GIPC2: variants seen among roughly 807,000 people sequenced by gnomAD.
GIPC2 encodes the protein GIPC PDZ domain containing family member 2.
GIPC2 carries 30 observed loss-of-function variants against 30.6 expected under a neutral mutation model. That is an observed-to-expected ratio of 0.98 (90% CI 0.73 to 1.33). The LOEUF (loss-of-function observed/expected upper bound fraction) is 1.33. Among genes scored for constraint, GIPC2 ranks in the 40% most tolerant of loss-of-function variants. GIPC2 has a pLI of 0.00. For missense variants in GIPC2, 414 were observed against 390.3 expected (o/e 1.06, Z -0.51); for synonymous variants, 167 against 150.0 (o/e 1.11, Z -0.83).
chr1:78,068,656 G>C (rs1311616992), intron 1 of GIPC2, among the ~76,000 whole-genome samples: 2 of 152,150 alleles, frequency 1.3e-5, no homozygotes, highest in Non-Finnish European at 2.9e-5. Flanking sequence ...CAAACTGCTT[G>C]CTAGAAAAGG....
chr1:78,051,006 G>A (rs2102633632), intron 1 of GIPC2, among the ~76,000 whole-genome samples: 1 of 151,954 alleles, frequency 6.6e-6, no homozygotes, highest in East Asian at 1.9e-4. Flanking sequence ...TTGTTGAAGG[G>A]GCATTTTGAA....
At chr1:78,061,175 T>G (rs1394727036) in intron 1 of GIPC2, among the ~76,000 whole-genome samples, 1 of 152,254 alleles carries the variant, frequency 6.6e-6, no homozygotes, top group Non-Finnish European at 1.5e-5. Context: ...TCCCTGTGTC[T>G]TCTTGGTGTA....
intron 1 of GIPC2, among the ~76,000 whole-genome samples, chr1:78,078,404 A>G (rs1248496270): frequency 1.3e-5 from 2 of 152,082 alleles, no homozygotes; most frequent in East Asian, 3.9e-4. Flanking sequence ...CTCTTATTCC[A>G]CCTTGCAGTG....
intron 2 of GIPC2, chr1:78,089,010 G>C (rs752996561): frequency 5.3e-5 from 8 of 152,104 alleles, no homozygotes; most frequent in Non-Finnish European, 1.0e-4. Context: ...TGTTTCATGA[G>C]TTTGCATATC....
At chr1:78,133,996 A>G (rs556161052) in intron 5 of GIPC2, among the ~76,000 whole-genome samples, 52 of 152,090 alleles carry the variant, frequency 3.4e-4, no homozygotes, top group Non-Finnish European at 4.3e-4. Context: ...TTCATATTGC[A>G]CTTTGCCTGC....
intron 2 of GIPC2, among the ~76,000 whole-genome samples, chr1:78,093,917 TC>T (rs554546825): frequency 2.1e-4 from 32 of 152,244 alleles, no homozygotes; most frequent in African/African-American, 7.5e-4. Flanking sequence ...GCCCCTAAAA[TC>T]CTTTCAGAAA....
intron 1 of GIPC2, among the ~76,000 whole-genome samples, chr1:78,067,821 C>T (rs1464259707): frequency 7.2e-5 from 11 of 152,128 alleles, no homozygotes. Flanking sequence ...TTGCCTACAT[C>T]CAGAAAATAA....
chr1:78,091,359 T>TG, intron 2 of GIPC2: 1 of 480,218 alleles, frequency 2.1e-6, no homozygotes, highest in Admixed American at 3.4e-5. Flanking sequence ...TCATGGCGAC[T>TG]GGACATGTAG....
At chr1:78,107,189 G>T (rs754023768) in intron 3 of GIPC2, among the ~76,000 whole-genome samples, 8 of 150,600 alleles carry the variant, frequency 5.3e-5, no homozygotes, top group Non-Finnish European at 8.9e-5. Context: ...TCCTTCCAGG[G>T]TCTCACTCTC....
At chr1:78,118,471 C>G (rs1419715982) in intron 3 of GIPC2, among the ~76,000 whole-genome samples, 1 of 152,050 alleles carries the variant, frequency 6.6e-6, no homozygotes, top group Non-Finnish European at 1.5e-5. Flanking sequence ...TCGCCCTTCC[C>G]TTTCACTCAT....
chr1:78,091,436 A>G (rs1364496524), intron 2 of GIPC2: 1 of 583,086 alleles, frequency 1.7e-6, no homozygotes, highest in African/African-American at 1.9e-5. Flanking sequence ...GGGCGGAGCC[A>G]GGGGCCTTTG....
intron 1 of GIPC2, among the ~76,000 whole-genome samples, chr1:78,061,204 T>C (rs928903571): frequency 4.6e-5 from 7 of 152,244 alleles, no homozygotes; most frequent in African/African-American, 7.2e-5. Flanking sequence ...TCACCTGATA[T>C]AACCAAACGT....
chr1:78,050,832 C>T (rs1661183255), intron 1 of GIPC2, among the ~76,000 whole-genome samples: 1 of 151,998 alleles, frequency 6.6e-6, no homozygotes, highest in Non-Finnish European at 1.5e-5. Flanking sequence ...GGCAGGGTTT[C>T]ACTGTGTTAG....
At chr1:78,131,785 T>C (rs1662903572) in intron 5 of GIPC2, among the ~76,000 whole-genome samples, 1 of 152,230 alleles carries the variant, frequency 6.6e-6, no homozygotes, top group South Asian at 2.1e-4. Flanking sequence ...ATGTTTATAC[T>C]TTATGTATTA....
chr1:78,081,099 A>G (rs758616592), intron 2 of GIPC2, among the ~76,000 whole-genome samples: 5 of 152,184 alleles, frequency 3.3e-5, no homozygotes, highest in Non-Finnish European at 7.4e-5. Flanking sequence ...CTGAAAGGAA[A>G]GTCTAACCCT....
At chr1:78,097,631 A>G (rs1465920601) in intron 3 of GIPC2, among the ~76,000 whole-genome samples, 1 of 151,852 alleles carries the variant, frequency 6.6e-6, no homozygotes. Flanking sequence ...CACTAGCTAC[A>G]CTCCACTTCC....
chr1:78,046,454 G>A, intron 1 of GIPC2, 120 bp downstream of exon 1: 3 of 891,098 alleles, frequency 3.4e-6, no homozygotes, highest in South Asian at 3.0e-5. Flanking sequence ...CCGATGCCGT[G>A]TTGAGTCCGC....
upstream of GIPC2, chr1:78,045,757 CCTT>C: frequency 9.4e-7 from 1 of 1,063,828 alleles, no homozygotes. Context: ...AGCGTGTTTG[CCTT>C]CTAAGGCGTA....
intron 2 of GIPC2, chr1:78,092,076 C>A (rs777505695): frequency 1.0e-4 from 149 of 1,478,430 alleles, no homozygotes; most frequent in Non-Finnish European, 1.3e-4. Flanking sequence ...GCTTCACCCC[C>A]CGGCTTTGTG....
Sources: gnomAD v4.1 joint callset for allele counts (sites outside exome capture counted in the v4.1 genomes callset) on GRCh38, gnomAD v4.1.1 for gene constraint, MANE v1.5 for transcripts, NCBI Gene and HGNC (gene_info 2026-07-23, HGNC 2026-07-21) for gene names.